FKBP11: variants seen among roughly 807,000 people sequenced by gnomAD.
FKBP11 encodes peptidyl-prolyl cis-trans isomerase FKBP11.
A neutral mutation model predicts 24.7 loss-of-function variants in FKBP11; 21 were observed. The ratio of observed to expected loss-of-function variants is 0.85; its 90% CI spans 0.60 to 1.23. The LOEUF (loss-of-function observed/expected upper bound fraction) is 1.23. Among genes scored for constraint, FKBP11 ranks in the 50% most tolerant of loss-of-function variants. FKBP11 has a pLI of 0.00. For missense variants in FKBP11, 245 were observed against 248.7 expected (o/e 0.99, Z 0.10); for synonymous variants, 106 against 100.6 (o/e 1.05, Z -0.32).
chr12:48,925,285 G>A lies in FKBP11; in HGVS notation c.129+15C>T. 6.2e-7 allele frequency: 1 copy of A among 1,611,636 alleles called. No individual in the cohort carries two copies. Among genetic ancestry groups the A allele is most frequent in the Non-Finnish European group, 8.5e-7 (1 of 1,179,242 alleles). On this transcript the variant is annotated intron_variant, in intron 1 of 5. Transcript: ENST00000550765. The stretch of plus-strand genomic sequence containing the variant: ...CTCGGCCCACGGGGGCTGAGGGTCG[G>A]GACTATCTCCTCACCAGGGTCTCCA...
At chr12:48,933,823 C>T in the FKBP11 span, among the ~76,000 whole-genome samples, 2 of 151,744 alleles carry the variant, frequency 1.3e-5, no homozygotes, top group Non-Finnish European at 2.9e-5. Context: ...GCCGAGATCA[C>T]GCCACTGCAT....
chr12:48,922,580 T>C, intron 5 of FKBP11: 1 of 1,002,544 alleles, frequency 1.0e-6, no homozygotes, highest in Non-Finnish European at 1.2e-6. Flanking sequence ...TGAAATTAAA[T>C]GGATTTAAAC....
intron 1 of FKBP11, 26 bp downstream of exon 1, chr12:48,925,274 G>T: frequency 3.1e-6 from 5 of 1,609,254 alleles, no homozygotes; most frequent in Non-Finnish European, 4.2e-6. Context: ...GCCCACGGGG[G>T]CTGAGGGTCG....
chr12:48,928,658 T>C (rs1224946951), upstream of FKBP11, among the ~76,000 whole-genome samples: 1 of 151,754 alleles, frequency 6.6e-6, no homozygotes. Context: ...TTTGTATTTT[T>C]AGTAAAGATG....
At chr12:48,925,691 T>C (rs1939950490), upstream of FKBP11, 2 of 531,596 alleles carry the variant, frequency 3.8e-6, no homozygotes, top group South Asian at 5.3e-5. Flanking sequence ...ATAACGTGGG[T>C]CGGGCCAAAC....
the FKBP11 span, among the ~76,000 whole-genome samples, chr12:48,932,725 A>G: frequency 1.3e-5 from 2 of 152,142 alleles, no homozygotes; most frequent in African/African-American, 4.8e-5. Flanking sequence ...CTTCTATTCA[A>G]TTCTGTGCTG....
In FKBP11 at chr12:48,925,485, G is replaced by A; in HGVS notation, c.-57C>T. The A allele has an allele frequency of 6.6e-7, 1 of 1,521,244 alleles. No homozygotes were observed. Among genetic ancestry groups the A allele is most frequent in the East Asian group, 2.5e-5 (1 of 40,656 alleles). The allele number at this position is 1,521,244 out of a possible 1,614,324, so 94.2% of individuals were successfully genotyped here. ...AGGACAGGCTGTTCGGGTGGCGGCA[G>A]CCAGGACAGCGTTCCCGCGGCGCCC... On this transcript the variant is annotated 5_prime_UTR_variant, in exon 1 of 6. Coordinates refer to ENST00000550765, the MANE Select transcript of FKBP11 (RefSeq NM_016594.3).
the FKBP11 span, chr12:48,938,414 A>T: frequency 2.2e-6 from 1 of 453,178 alleles, no homozygotes; most frequent in Non-Finnish European, 4.4e-6. Flanking sequence ...CCTGAGCTTC[A>T]CTCCACCCCC....
the FKBP11 span, chr12:48,931,889 T>A: frequency 5.9e-6 from 1 of 170,686 alleles, no homozygotes; most frequent in Non-Finnish European, 1.3e-5. Context: ...TCTTGCTGTG[T>A]CACCAGTGCG....
At chr12:48,922,222 A>T in intron 5 of FKBP11, 21 bp from the exon 6 acceptor site, 1 of 1,603,696 alleles carries the variant, frequency 6.2e-7, no homozygotes, top group Non-Finnish European at 8.5e-7. Context: ...AGAGGGGTGG[A>T]GAGGGTTAGA....
rs373749317 is a variant in FKBP11, at chr12:48,923,867, G to C, written c.318-15C>G. The stretch of plus-strand genomic sequence containing the variant: ...TTCGCTTCTCTCTGAGGGAAGGAAT[G>C]TCAGTCACAGCCAGAGGCAGGAGAG... On this transcript the variant is annotated splice_polypyrimidine_tract_variant and intron_variant, in intron 4 of 5. Coordinates refer to ENST00000550765, the MANE Select transcript of FKBP11 (RefSeq NM_016594.3). The C allele has an allele frequency of 6.8e-6, 11 of 1,613,324 alleles. No individual in the cohort carries two copies. In the African/African-American group the frequency reaches 1.5e-4, roughly 22 times the overall value.
upstream of FKBP11, among the ~76,000 whole-genome samples, chr12:48,928,019 A>G (rs1940001838): frequency 6.9e-6 from 1 of 145,008 alleles, no homozygotes; most frequent in South Asian, 2.2e-4. Context: ...TGAGATGCCT[A>G]TCTTCAGACC....
the FKBP11 span, chr12:48,936,523 C>A: frequency 1.3e-5 from 2 of 152,712 alleles, no homozygotes; most frequent in Admixed American, 1.3e-4. Context: ...GAAAGGACCA[C>A]CCCTGCCAAG....
chr12:48,922,787 G>C, intron 5 of FKBP11: 1 of 1,004,426 alleles, frequency 1.0e-6, no homozygotes, highest in Non-Finnish European at 1.2e-6. Flanking sequence ...AGGGCTTTGG[G>C]TAAAAGTTTC....
chr12:48,937,557 C>T, the FKBP11 span: 7 of 152,372 alleles, frequency 4.6e-5, no homozygotes, highest in Admixed American at 3.9e-4. Flanking sequence ...GATTTTATTT[C>T]CTCCACTCTA....
At chr12:48,929,209 A>T (rs1940018743), upstream of FKBP11, among the ~76,000 whole-genome samples, 1 of 151,668 alleles carries the variant, frequency 6.6e-6, no homozygotes, top group Non-Finnish European at 1.5e-5. Flanking sequence ...CATTTTTGGG[A>T]GGCTGAGGCA....
the FKBP11 span, chr12:48,936,771 A>AG: frequency 3.9e-5 from 6 of 152,250 alleles, no homozygotes; most frequent in Non-Finnish European, 8.8e-5. Flanking sequence ...AACCACAAAG[A>AG]TAGAGTGGAA....
At position 48,924,650 on chromosome 12, in the gene FKBP11, T is replaced by C. The variant is rs112346538; in HGVS notation, c.196-2A>G. 1.7e-5 allele frequency: 28 copies of C among 1,613,548 alleles called. No individual in the cohort carries two copies. Among genetic ancestry groups the C allele is most frequent in the Non-Finnish European group, 2.3e-5 (27 of 1,179,710 alleles). On this transcript the variant is annotated splice_acceptor_variant, in intron 2 of 5. Coordinates refer to ENST00000550765, the MANE Select transcript of FKBP11 (RefSeq NM_016594.3). LOFTEE classifies it high-confidence loss of function. ...AATACGTCCATCTACCAAGCTTCCC[T>C]GGGGGGAGAGAGCATCAAGAGCATA...
At chr12:48,927,592 C>G (rs548133482), upstream of FKBP11, among the ~76,000 whole-genome samples, 3 of 152,252 alleles carry the variant, frequency 2.0e-5, no homozygotes, top group Admixed American at 2.0e-4. Context: ...AAGTTCTGGC[C>G]AAGAGAACAT....
Sources: gnomAD v4.1 joint callset for allele counts (sites outside exome capture counted in the v4.1 genomes callset) on GRCh38, gnomAD v4.1.1 for gene constraint, MANE v1.5 for transcripts, NCBI Gene and HGNC (gene_info 2026-07-23, HGNC 2026-07-21) for gene names.